HS6ST3: variants seen among roughly 807,000 people sequenced by gnomAD.
HS6ST3 encodes heparan sulfate 6-O-sulfotransferase 3, also known as heparan-sulfate 6-O-sulfotransferase 3.
Under a neutral mutation model 36.7 loss-of-function variants are expected in HS6ST3, and 12 were observed. The observed-to-expected ratio is 0.33, with a 90% CI of 0.21 to 0.53. The LOEUF (loss-of-function observed/expected upper bound fraction) is 0.53. Among genes scored for constraint, HS6ST3 ranks in the 20% least tolerant of loss-of-function variants. The probability of loss-of-function intolerance (pLI) is 0.95; values close to 1 mark genes in which losing one functional copy is unlikely to be tolerated. For synonymous variants in HS6ST3, 240 were observed against 257.5 expected (o/e 0.93, Z 0.65); for missense variants, 584 against 640.9 (o/e 0.91, Z 0.96).
At chr13:96,687,241 C>A (rs1196243725) in intron 1 of HS6ST3, among the ~76,000 whole-genome samples, 1 of 151,912 alleles carries the variant, frequency 6.6e-6, no homozygotes, top group Non-Finnish European at 1.5e-5. Flanking sequence ...TTGTTTTATT[C>A]ATAATAGAAT....
At chr13:96,158,913 A>C (rs1433289959) in intron 1 of HS6ST3, among the ~76,000 whole-genome samples, 1 of 152,082 alleles carries the variant, frequency 6.6e-6, no homozygotes, top group African/African-American at 2.4e-5. Flanking sequence ...TGTGATGATG[A>C]CTGAGCAGGA....
intron 1 of HS6ST3, among the ~76,000 whole-genome samples, chr13:96,585,987 A>T (rs1184563343): frequency 6.6e-6 from 1 of 152,168 alleles, no homozygotes; most frequent in Non-Finnish European, 1.5e-5. Flanking sequence ...AATTCCATTA[A>T]GTTTTTTTCA....
In HS6ST3 at chr13:96,268,694, A is replaced by G. The variant is rs74988256; in HGVS notation, c.707+177125A>G. 6.4e-3 allele frequency among the ~76,000 whole-genome samples: 967 copies of G among 152,164 alleles called. 29 individuals are homozygous for G. The highest frequency in any genetic ancestry group is 0.043 in the Admixed American group (663 of 15,274). Reference sequence around the variant, plus strand: ...CTCTTACTGGATATAGATGTGAGATATTCCTATATTATACAACACTGAAAG... The same window carrying G: ...CTCTTACTGGATATAGATGTGAGATGTTCCTATATTATACAACACTGAAAG... On this transcript the variant is annotated intron_variant, in intron 1 of 1. Coordinates refer to ENST00000376705, the MANE Select transcript of HS6ST3 (RefSeq NM_153456.4).
At chr13:96,375,800 A>C (rs1038715058) in intron 1 of HS6ST3, among the ~76,000 whole-genome samples, 2 of 152,190 alleles carry the variant, frequency 1.3e-5, no homozygotes, top group South Asian at 4.1e-4. Context: ...GTCAAATGTT[A>C]TTGGTGAAGA....
At chr13:96,597,457 C>A (rs2138979821) in intron 1 of HS6ST3, among the ~76,000 whole-genome samples, 1 of 151,514 alleles carries the variant, frequency 6.6e-6, no homozygotes, top group East Asian at 1.9e-4. Context: ...ATATTTTTTG[C>A]CATTTGTATA....
chr13:96,809,782 G>A (rs967553465), intron 1 of HS6ST3, among the ~76,000 whole-genome samples: 1 of 152,212 alleles, frequency 6.6e-6, no homozygotes, highest in African/African-American at 2.4e-5. Context: ...GGATTTCCAT[G>A]CTGGCTGTAA....
At chr13:96,488,950 A>G (rs117282585) in intron 1 of HS6ST3, among the ~76,000 whole-genome samples, 6 of 152,128 alleles carry the variant, frequency 3.9e-5, no homozygotes, top group South Asian at 2.1e-4. Context: ...TGTACATACC[A>G]TGGTATGATA....
chr13:96,742,072 C>T (rs1876454788), intron 1 of HS6ST3, among the ~76,000 whole-genome samples: 1 of 152,056 alleles, frequency 6.6e-6, no homozygotes, highest in African/African-American at 2.4e-5. Context: ...TGTGTGAAAG[C>T]GGTAGCTATG....
chr13:96,790,641 T>C (rs919500061), intron 1 of HS6ST3, among the ~76,000 whole-genome samples: 4 of 152,112 alleles, frequency 2.6e-5, no homozygotes, highest in African/African-American at 7.2e-5. Context: ...TCCATCTATT[T>C]ATTTATTTCA....
chr13:96,318,905 A>G (rs1324319100), intron 1 of HS6ST3, among the ~76,000 whole-genome samples: 2 of 152,218 alleles, frequency 1.3e-5, no homozygotes, highest in African/African-American at 4.8e-5. Flanking sequence ...ACGTACAGAT[A>G]TTCACAAAGG....
intron 1 of HS6ST3, among the ~76,000 whole-genome samples, chr13:96,722,402 T>G (rs949577472): frequency 2.0e-5 from 3 of 152,228 alleles, no homozygotes; most frequent in East Asian, 3.8e-4. Context: ...ACTGTCCTGT[T>G]TTTTATAAAG....
chr13:96,621,408 C>T (rs542928076), intron 1 of HS6ST3, among the ~76,000 whole-genome samples: 1 of 152,234 alleles, frequency 6.6e-6, no homozygotes, highest in South Asian at 2.1e-4. Context: ...TCCCTCCTGC[C>T]ACCTTGTGAA....
At chr13:96,388,728 G>T (rs1284171914) in intron 1 of HS6ST3, among the ~76,000 whole-genome samples, 1 of 152,124 alleles carries the variant, frequency 6.6e-6, no homozygotes, top group Non-Finnish European at 1.5e-5. Context: ...AATCATGGGG[G>T]TGGTTTCCCC....
rs140523530 is a variant in HS6ST3, at chr13:96,601,409, T to C, written c.708-231081T>C. On this transcript the variant is annotated intron_variant, in intron 1 of 1. Transcript: ENST00000376705. ...TTCTTCTACTTGGTCTAGTCTTTTGTTGAAACTTTCCACTGTATTTTGTAA... is the reference window on the plus strand; with the variant it reads ...TTCTTCTACTTGGTCTAGTCTTTTGCTGAAACTTTCCACTGTATTTTGTAA... Among the ~76,000 whole-genome samples the C allele has an allele frequency of 6.6e-5, 10 of 152,246 alleles. No homozygotes were observed. The East Asian group carries it at 1.7e-3, about 26-fold the overall frequency.
chr13:96,386,640 G>A lies in HS6ST3; in HGVS notation c.707+295071G>A, dbSNP rs539617557. 5.9e-5 allele frequency among the ~76,000 whole-genome samples: 9 copies of A among 152,232 alleles called. 1 individual carries two copies. The East Asian group carries it at 1.7e-3, about 29-fold the overall frequency. ...TCAGCACTTTGGGAAGCAGAGGTGG[G>A]TGGATCACAAGGTCAAGAGATCAAG... On this transcript the variant is annotated intron_variant, in intron 1 of 1. Transcript: ENST00000376705.
chr13:96,793,542 C>T (rs542893990), intron 1 of HS6ST3, among the ~76,000 whole-genome samples: 2 of 152,054 alleles, frequency 1.3e-5, no homozygotes. Flanking sequence ...ACAGCCCAGC[C>T]TATTAGAGAA....
At chr13:96,238,266 A>G (rs923102089) in intron 1 of HS6ST3, among the ~76,000 whole-genome samples, 20 of 152,324 alleles carry the variant, frequency 1.3e-4, no homozygotes, top group South Asian at 8.3e-4. Context: ...CTGTCATAGT[A>G]CAGGCCCATG....
chr13:96,253,150 T>C (rs2054615631), intron 1 of HS6ST3, among the ~76,000 whole-genome samples: 1 of 151,880 alleles, frequency 6.6e-6, no homozygotes, highest in South Asian at 2.1e-4. Context: ...GCTTCATGGG[T>C]GGGCCTCTTG....
intron 1 of HS6ST3, among the ~76,000 whole-genome samples, chr13:96,831,977 A>AAAC (rs34997012): frequency 0.14 from 16,716 of 115,976 alleles, 2,983 homozygotes; most frequent in East Asian, 0.26. Flanking sequence ...AAAAAAAAAA[A>AAAC]AAACAGAGAT....
Sources: allele counts gnomAD v4.1 joint callset (sites outside exome capture counted in the v4.1 genomes callset), GRCh38; gene constraint gnomAD v4.1.1; transcripts MANE v1.5; gene names NCBI Gene and HGNC (gene_info 2026-07-23, HGNC 2026-07-21).